Variants in EPSTI1 observed in about 807,000 individuals in gnomAD.
EPSTI1 encodes the protein epithelial-stromal interaction protein 1.
A neutral mutation model predicts 49.9 loss-of-function variants in EPSTI1; 66 were observed. The observed-to-expected ratio is 1.32, with a 90% CI of 1.08 to 1.62. EPSTI1 has a LOEUF of 1.62. EPSTI1 is among the 40% of genes most tolerant of loss of function. The pLI, the probability that EPSTI1 is intolerant of heterozygous loss-of-function variation, is 0.00. For synonymous variants in EPSTI1, 137 were observed against 130.7 expected, an observed-to-expected ratio of 1.05 and a Z score of -0.33; for missense variants, 394 against 365.5, an observed-to-expected ratio of 1.08 and a Z score of -0.64.
At chr13:42,949,383 A>C (rs1321485003) in intron 6 of EPSTI1, among the ~76,000 whole-genome samples, 1 of 152,180 alleles carries the variant, frequency 6.6e-6, no homozygotes, top group Non-Finnish European at 1.5e-5. Flanking sequence ...TGAGGTCAGG[A>C]GTTCAAGACC....
At chr13:42,935,332 C>T (rs530255382) in intron 6 of EPSTI1, among the ~76,000 whole-genome samples, 6 of 152,224 alleles carry the variant, frequency 3.9e-5, no homozygotes, top group Non-Finnish European at 7.3e-5. Context: ...CTTACAAATG[C>T]CTTTCTTCCT....
intron 6 of EPSTI1, among the ~76,000 whole-genome samples, chr13:42,944,342 A>C (rs770652619): frequency 4.6e-5 from 7 of 152,246 alleles, no homozygotes; most frequent in Non-Finnish European, 8.8e-5. Context: ...TGCAGACATA[A>C]AAAAGGATGA....
intron 8 of EPSTI1, among the ~76,000 whole-genome samples, chr13:42,905,090 A>G (rs895627235): frequency 6.6e-6 from 1 of 152,198 alleles, no homozygotes; most frequent in Non-Finnish European, 1.5e-5. Flanking sequence ...AAAAATCCCA[A>G]TAAATATGTA....
chr13:42,887,345 T>A lies in EPSTI1; in HGVS notation c.*1149A>T, dbSNP rs2281811. The A allele has an allele frequency of 0.072, 11,014 of 152,226 alleles. 586 individuals are homozygous for A. The highest frequency in any genetic ancestry group is 0.2 in the South Asian group (942 of 4,818). 9.4% of individuals were successfully genotyped at this position (152,226 alleles called of 1,614,324 possible). On this transcript the variant is annotated 3_prime_UTR_variant, in exon 11 of 11. Coordinates refer to ENST00000313624, the MANE Select transcript of EPSTI1 (RefSeq NM_033255.5). ...TTGCCTAGCTCTGCGAACCCCTCAG[T>A]TATGTCTCTTGGCCCAAGAATTTCA... is the stretch of plus-strand genomic sequence containing the variant.
At position 42,922,569 on chromosome 13, in the gene EPSTI1, T is replaced by G. The variant is rs955052210; in HGVS notation, c.657+3767A>C. Reference sequence around the variant, plus strand: ...TTAGCATTTTAAAACCCATTTTTATTGCTGACCTCCAGAAGTGTTAAGAGA... The same window carrying G: ...TTAGCATTTTAAAACCCATTTTTATGGCTGACCTCCAGAAGTGTTAAGAGA... On this transcript the variant is annotated intron_variant, in intron 7 of 10. Transcript: ENST00000313624. This position sits in a 1 kb window ranked among gnomAD's most constrained non-coding sequence, Gnocchi z 4.8. Among the ~76,000 whole-genome samples, 1 of 152,196 alleles carries G rather than the reference T, an allele frequency of 6.6e-6. No individual in the cohort carries two copies. The highest frequency in any genetic ancestry group is 2.4e-5 in the African/African-American group (1 of 41,444).
At position 42,888,516 on chromosome 13, in the gene EPSTI1, A is replaced by G. The variant is rs1269850798; in HGVS notation, c.916-14T>C. 1.3e-6 allele frequency: 2 copies of G among 1,579,076 alleles called. No individual in the cohort carries two copies. Among genetic ancestry groups the G allele is most frequent in the African/African-American group, 1.4e-5 (1 of 73,054 alleles). On this transcript the variant is annotated splice_polypyrimidine_tract_variant and intron_variant, in intron 10 of 10. Coordinates refer to ENST00000313624, the MANE Select transcript of EPSTI1 (RefSeq NM_033255.5). ...TTCTCATATACCCTGGAAGAAAAAG[A>G]AAACAAAAATTACTGCAAGCAGCAA... is the stretch of plus-strand genomic sequence containing the variant.
chr13:42,945,001 C>T (rs1266550541), intron 6 of EPSTI1, among the ~76,000 whole-genome samples: 2 of 152,216 alleles, frequency 1.3e-5, no homozygotes, highest in East Asian at 3.8e-4. Flanking sequence ...ACCCCTGCTT[C>T]CTGATAAGAT....
chr13:42,952,306 C>G (rs905453081), intron 6 of EPSTI1, among the ~76,000 whole-genome samples: 1 of 152,166 alleles, frequency 6.6e-6, no homozygotes, highest in African/African-American at 2.4e-5. Context: ...GGGTCTGTGC[C>G]ACCTTTAAGA....
At chr13:42,888,917 G>A (rs1406278092) in intron 10 of EPSTI1, among the ~76,000 whole-genome samples, 1 of 152,200 alleles carries the variant, frequency 6.6e-6, no homozygotes, top group African/African-American at 2.4e-5. Context: ...ACTTCTAAGA[G>A]GACCTTGATG....
chr13:42,953,554 A>C (rs969376105), intron 6 of EPSTI1, among the ~76,000 whole-genome samples: 1 of 152,216 alleles, frequency 6.6e-6, no homozygotes, highest in Non-Finnish European at 1.5e-5. Context: ...CTAGAAAAAA[A>C]CACAAGTGTA....
At chr13:42,952,480 C>T (rs2039130924) in intron 6 of EPSTI1, among the ~76,000 whole-genome samples, 1 of 152,198 alleles carries the variant, frequency 6.6e-6, no homozygotes, top group African/African-American at 2.4e-5. Context: ...TCATTCTCTA[C>T]CCATGAAAGG....
rs1033237397 is a variant in EPSTI1, at chr13:42,888,063, C to T, written c.*431G>A. 2 of 549,988 alleles carry T rather than the reference C, an allele frequency of 3.6e-6. No homozygotes were observed. The highest frequency in any genetic ancestry group is 6.2e-6 in the Non-Finnish European group (2 of 321,698). The allele number at this position is 549,988 out of a possible 1,614,324, so 34.1% of individuals were successfully genotyped here. A position where few individuals can be genotyped will look rare whatever the true frequency, so the allele number is the denominator to read the frequency against. On this transcript the variant is annotated 3_prime_UTR_variant, in exon 11 of 11. Transcript: ENST00000313624. ...CTTTTTCTTTTGTACATATTTGTACCATAAAGAAAGTAGGGATTAAAATCT... is the reference window on the plus strand; with the variant it reads ...CTTTTTCTTTTGTACATATTTGTACTATAAAGAAAGTAGGGATTAAAATCT...
chr13:42,929,498 A>C (rs1185804448), intron 6 of EPSTI1, among the ~76,000 whole-genome samples: 1 of 152,134 alleles, frequency 6.6e-6, no homozygotes, highest in Non-Finnish European at 1.5e-5. Flanking sequence ...TCTTTCTAAC[A>C]CTTTCTCCCT....
chr13:42,945,245 G>T (rs183988667), intron 6 of EPSTI1, among the ~76,000 whole-genome samples: 1 of 152,174 alleles, frequency 6.6e-6, no homozygotes, highest in Admixed American at 6.6e-5. Context: ...GTGGGTGCAG[G>T]GGAACCGCCC....
chr13:42,963,249 C>T lies in EPSTI1; in HGVS notation c.489+6G>A. 6.2e-7 allele frequency: 1 copy of T among 1,610,506 alleles called. No homozygotes were observed. The highest frequency in any genetic ancestry group is 8.5e-7 in the Non-Finnish European group (1 of 1,177,126). On this transcript the variant is annotated splice_donor_region_variant and intron_variant, in intron 5 of 10. Coordinates refer to ENST00000313624, the MANE Select transcript of EPSTI1 (RefSeq NM_033255.5). ...GCAAATGTGAACTAATCCTCCTCCT[C>T]CTTACCTTCTCTCTCTGAATTGCCT...
At chr13:42,976,268 T>C (rs1352533639) in intron 1 of EPSTI1, among the ~76,000 whole-genome samples, 2 of 152,232 alleles carry the variant, frequency 1.3e-5, no homozygotes, top group Non-Finnish European at 2.9e-5. Context: ...GCATTGCAGC[T>C]GATAAAATCC....
intron 10 of EPSTI1, among the ~76,000 whole-genome samples, chr13:42,888,936 T>C (rs894804287): frequency 1.3e-5 from 2 of 152,196 alleles, no homozygotes; most frequent in African/African-American, 4.8e-5. Context: ...TGTAGGGAGA[T>C]AGATTGGTGA....
intron 5 of EPSTI1, among the ~76,000 whole-genome samples, chr13:42,956,143 G>C (rs1829196591): frequency 6.6e-6 from 1 of 152,194 alleles, no homozygotes. Flanking sequence ...CACTTATATG[G>C]ATTGTCAGGA....
chr13:42,977,327 T>C (rs2039899883), intron 1 of EPSTI1, among the ~76,000 whole-genome samples: 1 of 152,262 alleles, frequency 6.6e-6, no homozygotes, highest in Non-Finnish European at 1.5e-5. Context: ...TCCTCCTTGC[T>C]AATAGCACTT....
Sources: allele counts gnomAD v4.1 joint callset (sites outside exome capture counted in the v4.1 genomes callset), GRCh38; gene constraint gnomAD v4.1.1; non-coding constraint Gnocchi (gnomAD v3.1); transcripts MANE v1.5; gene names NCBI Gene and HGNC (gene_info 2026-07-23, HGNC 2026-07-21).